The following SYNDIG1 variants were observed in gnomAD, a reference collection of about 807,000 sequenced individuals.
SYNDIG1 encodes synapse differentiation-inducing gene protein 1.
SYNDIG1 carries 9 observed loss-of-function variants against 19.4 expected under a neutral mutation model. That is an observed-to-expected ratio of 0.46 (90% CI 0.28 to 0.81). SYNDIG1 has a LOEUF of 0.81. Among genes scored for constraint, SYNDIG1 ranks in the 30% least tolerant of loss-of-function variants. SYNDIG1 has a pLI of 0.12. For synonymous variants in SYNDIG1, 141 were observed against 145.9 expected (o/e 0.97, Z 0.24); for missense variants, 311 against 343.3 (o/e 0.91, Z 0.74).
At chr20:24,601,997 T>A (rs1048671966) in intron 3 of SYNDIG1, among the ~76,000 whole-genome samples, 5 of 152,166 alleles carry the variant, frequency 3.3e-5, no homozygotes, top group Non-Finnish European at 5.9e-5. Context: ...GTTTTTTTTT[T>A]TTATTTTCCA....
At chr20:24,549,759 T>G (rs2057667579) in intron 2 of SYNDIG1, among the ~76,000 whole-genome samples, 1 of 152,140 alleles carries the variant, frequency 6.6e-6, no homozygotes, top group Admixed American at 6.5e-5. Context: ...CATACGGGCT[T>G]GAAGGATGAA....
chr20:24,548,040 C>T (rs539966996), intron 2 of SYNDIG1, among the ~76,000 whole-genome samples: 2 of 152,318 alleles, frequency 1.3e-5, no homozygotes, highest in South Asian at 2.1e-4. Flanking sequence ...AGGGAACGCT[C>T]ATCGATGGAG....
chr20:24,501,146 A>G (rs2056444640), intron 1 of SYNDIG1, among the ~76,000 whole-genome samples: 1 of 152,254 alleles, frequency 6.6e-6, no homozygotes, highest in East Asian at 1.9e-4. Flanking sequence ...CTATGTAGAC[A>G]GCATATTTAC....
At chr20:24,560,948 A>G (rs1253197418) in intron 2 of SYNDIG1, among the ~76,000 whole-genome samples, 3 of 150,386 alleles carry the variant, frequency 2.0e-5, no homozygotes, top group African/African-American at 7.3e-5. Context: ...AAATGTGCAG[A>G]ATCTTTCTCC....
intron 1 of SYNDIG1, among the ~76,000 whole-genome samples, chr20:24,482,563 T>C (rs1013678833): frequency 6.6e-6 from 1 of 152,158 alleles, no homozygotes; most frequent in African/African-American, 2.4e-5. Flanking sequence ...TTCCCCTATA[T>C]CTGTGGCCAC....
intron 2 of SYNDIG1, among the ~76,000 whole-genome samples, chr20:24,547,602 G>T (rs1305438934): frequency 6.6e-6 from 1 of 152,132 alleles, no homozygotes; most frequent in African/African-American, 2.4e-5. Context: ...TCCTGTGGGG[G>T]TGCCCTCAGG....
At chr20:24,646,597 G>A (rs768130598) in intron 3 of SYNDIG1, among the ~76,000 whole-genome samples, 7 of 151,770 alleles carry the variant, frequency 4.6e-5, no homozygotes, top group African/African-American at 1.7e-4. Context: ...GAAGCAGCCC[G>A]AGGTCCTCAC....
intron 1 of SYNDIG1, among the ~76,000 whole-genome samples, chr20:24,479,797 C>T (rs929299835): frequency 2.6e-5 from 4 of 152,174 alleles, no homozygotes; most frequent in Admixed American, 1.3e-4. Context: ...GCCTCTGGGG[C>T]GCTCCTCTCG....
At chr20:24,484,778 T>A (rs954971724) in intron 1 of SYNDIG1, among the ~76,000 whole-genome samples, 1 of 152,226 alleles carries the variant, frequency 6.6e-6, no homozygotes, top group Non-Finnish European at 1.5e-5. Flanking sequence ...TAGATCTATT[T>A]GTTTAACATA....
At chr20:24,512,070 T>G (rs889883430) in intron 1 of SYNDIG1, among the ~76,000 whole-genome samples, 1 of 145,240 alleles carries the variant, frequency 6.9e-6, no homozygotes, top group Admixed American at 7.0e-5. Context: ...GCTACTGATA[T>G]AGGAGAATGG....
chr20:24,532,291 C>T (rs2057276014), intron 1 of SYNDIG1, among the ~76,000 whole-genome samples: 1 of 152,168 alleles, frequency 6.6e-6, no homozygotes, highest in Non-Finnish European at 1.5e-5. Flanking sequence ...GCTTCCGTAC[C>T]ATGGAATATG....
chr20:24,526,933 A>T (rs1292605730), intron 1 of SYNDIG1, among the ~76,000 whole-genome samples: 1 of 152,192 alleles, frequency 6.6e-6, no homozygotes, highest in Non-Finnish European at 1.5e-5. Context: ...TATGTAGATT[A>T]TCCACTATTT....
chr20:24,626,473 C>A lies in SYNDIG1; in HGVS notation c.619-38873C>A, dbSNP rs1305093307. ...GCAGAGGCGCTCCCCACATCTCAGA[C>A]GATGGGCGGCCGGGCAGAGACGCTT... is the stretch of plus-strand genomic sequence containing the variant. On this transcript the variant is annotated intron_variant, in intron 3 of 3. Coordinates refer to ENST00000376862, the MANE Select transcript of SYNDIG1 (RefSeq NM_024893.3). Among the ~76,000 whole-genome samples, 3 of 149,336 alleles carry A rather than the reference C, an allele frequency of 2.0e-5. No individual in the cohort carries two copies. The South Asian group carries it at 6.4e-4, about 32-fold the overall frequency.
At chr20:24,633,427 C>G (rs549385148) in intron 3 of SYNDIG1, among the ~76,000 whole-genome samples, 1 of 152,154 alleles carries the variant, frequency 6.6e-6, no homozygotes, top group African/African-American at 2.4e-5. Context: ...GCACCCAGCA[C>G]GGGAGCAGGT....
rs1261219764 is a variant in SYNDIG1 at position 24,560,668 on chromosome 20, G to GC, written c.480+17096dup. On this transcript the variant is annotated intron_variant, in intron 2 of 3. Transcript: ENST00000376862. ...AATCCAACAACTGTGCCCCTGCCCT[G>GC]CCCCCGAGACAGTTTCTGTTGACTA... 3.5e-5 allele frequency among the ~76,000 whole-genome samples: 5 copies of GC among 141,028 alleles called. No individual in the cohort carries two copies. The East Asian group carries it at 1.0e-3, about 29-fold the overall frequency. 92.5% of individuals were successfully genotyped at this position (141,028 alleles called of 152,430 possible). A position where few individuals can be genotyped will look rare whatever the true frequency, so the allele number is the denominator to read the frequency against.
At chr20:24,527,818 C>T (rs6049758) in intron 1 of SYNDIG1, among the ~76,000 whole-genome samples, 114,432 of 152,066 alleles carry the variant, frequency 0.75, 43,359 homozygotes, top group African/African-American at 0.84. Context: ...TTGGGTATCC[C>T]TTTCCACCCT....
intron 1 of SYNDIG1, among the ~76,000 whole-genome samples, chr20:24,516,266 G>T (rs921752941): frequency 6.6e-5 from 10 of 152,144 alleles, no homozygotes; most frequent in Non-Finnish European, 1.0e-4. Flanking sequence ...CAGGACATAG[G>T]CATGGGTAAG....
intron 3 of SYNDIG1, among the ~76,000 whole-genome samples, chr20:24,627,534 C>T (rs777815327): frequency 4.6e-4 from 70 of 152,190 alleles, no homozygotes; most frequent in Non-Finnish European, 7.9e-4. Context: ...CTCCGCATTC[C>T]GATGTCCGTT....
chr20:24,651,304 G>T (rs2059471867), intron 3 of SYNDIG1, among the ~76,000 whole-genome samples: 1 of 152,250 alleles, frequency 6.6e-6, no homozygotes, highest in Admixed American at 6.5e-5. Context: ...TGCATTCAGT[G>T]CTGATAAAGG....
Sources: gnomAD v4.1 joint callset for allele counts (sites outside exome capture counted in the v4.1 genomes callset) on GRCh38, gnomAD v4.1.1 for gene constraint, MANE v1.5 for transcripts, NCBI Gene and HGNC (gene_info 2026-07-23, HGNC 2026-07-21) for gene names.